Variants in KALRN observed in about 807,000 individuals in gnomAD.
The protein encoded by KALRN is kalirin RhoGEF kinase, also known as kalirin.
In KALRN, 70 loss-of-function variants were observed where a neutral mutation model predicts 353.7. The ratio of observed to expected loss-of-function variants is 0.20; its 90% CI spans 0.16 to 0.24. KALRN has a LOEUF of 0.24. KALRN is among the 10% of genes least tolerant of loss of function. The probability of loss-of-function intolerance (pLI) is 1.00; values close to 1 mark genes in which losing one functional copy is unlikely to be tolerated. For missense variants in KALRN, 2,791 were observed against 3,756.7 expected (o/e 0.74, Z 6.72); for synonymous variants, 1,391 against 1,434.8 (o/e 0.97, Z 0.69).
intron 33 of KALRN, among the ~76,000 whole-genome samples, chr3:124,553,052 C>T (rs1406325088): frequency 2.0e-5 from 3 of 152,198 alleles, no homozygotes; most frequent in Non-Finnish European, 4.4e-5. Context: ...AGGCGTGAGC[C>T]ACCGCGCCCA....
chr3:124,652,601 G>A (rs1201779135), intron 38 of KALRN, among the ~76,000 whole-genome samples: 1 of 151,788 alleles, frequency 6.6e-6, no homozygotes, highest in Non-Finnish European at 1.5e-5. Flanking sequence ...TTTTGAGATG[G>A]AGTCTCTCTC....
chr3:124,104,127 G>C (rs142527351), intron 1 of KALRN, among the ~76,000 whole-genome samples: 125 of 152,258 alleles, frequency 8.2e-4, no homozygotes, highest in African/African-American at 2.9e-3. Context: ...ATATATCTTT[G>C]TGATGCCGCA....
At chr3:124,230,304 AAGTT>A (rs2079003567) in intron 2 of KALRN, among the ~76,000 whole-genome samples, 1 of 152,158 alleles carries the variant, frequency 6.6e-6, no homozygotes, top group African/African-American at 2.4e-5. Flanking sequence ...AACTTCTGCC[AAGTT>A]GAGCCTTTCC....
At chr3:124,167,956 C>A (rs1376039272) in intron 1 of KALRN, among the ~76,000 whole-genome samples, 4 of 152,168 alleles carry the variant, frequency 2.6e-5, no homozygotes, top group Non-Finnish European at 5.9e-5. Flanking sequence ...TTGGAGTGCA[C>A]CCCTGCCCTC....
intron 1 of KALRN, among the ~76,000 whole-genome samples, chr3:124,137,915 G>A (rs779232633): frequency 6.6e-6 from 1 of 152,162 alleles, no homozygotes; most frequent in Non-Finnish European, 1.5e-5. Context: ...GGATATGGAT[G>A]CTTGACCCTA....
chr3:124,343,842 G>C (rs963740997), intron 9 of KALRN, among the ~76,000 whole-genome samples: 1 of 152,200 alleles, frequency 6.6e-6, no homozygotes, highest in Non-Finnish European at 1.5e-5. Context: ...ATCAGGCCAT[G>C]CCTGCCTTGT....
At chr3:124,194,247 G>C (rs1038893344) in intron 1 of KALRN, among the ~76,000 whole-genome samples, 2 of 152,294 alleles carry the variant, frequency 1.3e-5, no homozygotes. Flanking sequence ...GATGTGGGCT[G>C]GACTTGTCCC....
At chr3:124,448,707 C>T (rs565018859) in intron 21 of KALRN, among the ~76,000 whole-genome samples, 7 of 152,190 alleles carry the variant, frequency 4.6e-5, no homozygotes, top group African/African-American at 1.7e-4. Context: ...GGCCCTTGTC[C>T]GTATAACCCT....
chr3:124,711,080 A>G (rs754143778), intron 57 of KALRN, among the ~76,000 whole-genome samples: 13 of 152,228 alleles, frequency 8.5e-5, no homozygotes, highest in Non-Finnish European at 1.5e-4. Context: ...CAAAACTGCC[A>G]TTTTGACCAA....
chr3:124,079,379 TAC>T (rs2060423085), intron 1 of KALRN, among the ~76,000 whole-genome samples: 1 of 152,266 alleles, frequency 6.6e-6, no homozygotes, highest in Non-Finnish European at 1.5e-5. Flanking sequence ...TTATGAATGA[TAC>T]TTACATGTTT....
At chr3:124,612,285 C>T (rs573550872) in intron 34 of KALRN, among the ~76,000 whole-genome samples, 3 of 152,284 alleles carry the variant, frequency 2.0e-5, no homozygotes, top group African/African-American at 4.8e-5. Context: ...CTCACCACAA[C>T]CTCTGCCTCC....
chr3:124,337,813 A>G (rs961302838), intron 9 of KALRN, among the ~76,000 whole-genome samples: 7 of 152,126 alleles, frequency 4.6e-5, no homozygotes, highest in African/African-American at 1.4e-4. Context: ...TACTGCCTCA[A>G]TTTCAGAACT....
At chr3:124,110,809 C>T (rs192774641) in intron 1 of KALRN, among the ~76,000 whole-genome samples, 1 of 152,176 alleles carries the variant, frequency 6.6e-6, no homozygotes, top group Admixed American at 6.5e-5. Flanking sequence ...GGTGAAGCTT[C>T]CCCTCTGAGA....
intron 1 of KALRN, among the ~76,000 whole-genome samples, chr3:124,183,352 G>A (rs922600418): frequency 6.6e-6 from 1 of 152,156 alleles, no homozygotes; most frequent in African/African-American, 2.4e-5. Flanking sequence ...AATCATGGTG[G>A]AAGGTGAAGA....
chr3:124,227,542 C>G (rs2078659601), intron 1 of KALRN, among the ~76,000 whole-genome samples: 4 of 152,212 alleles, frequency 2.6e-5, no homozygotes, highest in African/African-American at 9.6e-5. Context: ...TATCAATTAA[C>G]TAATTCAACA....
At chr3:124,266,220 T>C (rs2073525841) in intron 4 of KALRN, among the ~76,000 whole-genome samples, 1 of 152,210 alleles carries the variant, frequency 6.6e-6, no homozygotes, top group South Asian at 2.1e-4. Flanking sequence ...AAATATTTAT[T>C]GTTTAGTAAA....
chr3:124,152,209 A>G, intron 1 of KALRN: 16 of 1,582,900 alleles, frequency 1.0e-5, no homozygotes, highest in South Asian at 7.7e-5. Flanking sequence ...CTTCTTATTG[A>G]TTTTGCCATA....
At chr3:124,398,211 C>T (rs377401771) in intron 12 of KALRN, among the ~76,000 whole-genome samples, 8 of 152,158 alleles carry the variant, frequency 5.3e-5, no homozygotes, top group African/African-American at 1.9e-4. Context: ...ATTTTGGCAA[C>T]CATGACATCA....
At chr3:124,098,341 A>G (rs755087659) in intron 1 of KALRN, among the ~76,000 whole-genome samples, 27 of 152,058 alleles carry the variant, frequency 1.8e-4, no homozygotes, top group Non-Finnish European at 3.7e-4. Flanking sequence ...CCACCCATTC[A>G]CTGTGGGCCC....
Sources: gnomAD v4.1 joint callset for allele counts (sites outside exome capture counted in the v4.1 genomes callset) on GRCh38, gnomAD v4.1.1 for gene constraint, MANE v1.5 for transcripts, NCBI Gene and HGNC (gene_info 2026-07-23, HGNC 2026-07-21) for gene names.